Variants in NPLOC4 observed in about 807,000 individuals in gnomAD.
The protein encoded by NPLOC4 is nuclear protein localization protein 4 homolog.
NPLOC4 carries 18 observed loss-of-function variants against 80.6 expected under a neutral mutation model. That is an observed-to-expected ratio of 0.22 (90% CI 0.15 to 0.33). The LOEUF (loss-of-function observed/expected upper bound fraction) is 0.33. Ranked by LOEUF, NPLOC4 falls within the 10% of genes least tolerant of loss-of-function variation. The pLI is 1.00. For synonymous variants in NPLOC4, 313 were observed against 301.5 expected (o/e 1.04, Z -0.39); for missense variants, 540 against 786.1 (o/e 0.69, Z 3.74).
At chr17:81,606,664 A>G (rs747737505) in intron 7 of NPLOC4, 27 bp downstream of exon 7, 1 of 1,605,404 alleles carries the variant, frequency 6.2e-7, no homozygotes, top group South Asian at 1.1e-5. Flanking sequence ...CATGAAAACA[A>G]ATCTAGACAG....
chr17:81,565,489 G>T lies in NPLOC4; in HGVS notation c.1669+16C>A. ...CCCAGCCACGGGGTGCCGGGGCAGGGGGTGGGGGTACTCACTGCACAGCTG... is the reference window on the plus strand; with the variant it reads ...CCCAGCCACGGGGTGCCGGGGCAGGTGGTGGGGGTACTCACTGCACAGCTG... On this transcript the variant is annotated intron_variant, in intron 16 of 16. Transcript: ENST00000331134. 1 of 1,538,280 alleles carries T rather than the reference G, an allele frequency of 6.5e-7. No homozygotes were observed.
chr17:81,610,722 G>A (rs1408095142), intron 4 of NPLOC4, among the ~76,000 whole-genome samples: 26 of 100,636 alleles, frequency 2.6e-4, no homozygotes, highest in South Asian at 5.4e-4. Context: ...GGAGGCCGAG[G>A]CGGGTGGATC....
rs62073415 is a variant in NPLOC4, at chr17:81,580,088, A to G, written c.1282-8000T>C. Among the ~76,000 whole-genome samples, 35,088 of 151,922 alleles carry G rather than the reference A, an allele frequency of 0.23. 4,338 individuals carry two copies. The highest frequency in any genetic ancestry group is 0.3 in the Middle Eastern group (88 of 294). The stretch of plus-strand genomic sequence containing the variant: ...CCCTCCTCCCCAGCTCCTGCCTCCC[A>G]GTGCTCTCCACCTCATTCCCCCAAG... On this transcript the variant is annotated intron_variant, in intron 12 of 16. Coordinates refer to ENST00000331134, the MANE Select transcript of NPLOC4 (RefSeq NM_017921.4). The surrounding 1 kb of genome is among the most constrained non-coding windows in gnomAD (Gnocchi z 4.4).
chr17:81,569,505 G>C (rs911861930), intron 13 of NPLOC4, among the ~76,000 whole-genome samples: 1 of 152,242 alleles, frequency 6.6e-6, no homozygotes, highest in African/African-American at 2.4e-5. Context: ...GAAGGGCCAG[G>C]AGGCCGCCCC....
At chr17:81,608,941 G>A (rs2035274688) in intron 5 of NPLOC4, 119 bp from the exon 6 acceptor site, 4 of 670,808 alleles carry the variant, frequency 6.0e-6, no homozygotes, top group South Asian at 5.6e-5. Context: ...AAGGCCCACA[G>A]TGAAAGCAGG....
At position 81,557,354 on chromosome 17, in the gene NPLOC4, A is replaced by G. The variant is rs932622780; in HGVS notation, c.*1905T>C. 1.3e-5 allele frequency: 2 copies of G among 152,510 alleles called. No homozygotes were observed. The highest frequency in any genetic ancestry group is 2.9e-5 in the Non-Finnish European group (2 of 68,056). The allele number at this position is 152,510 out of a possible 1,614,324, so 9.4% of individuals were successfully genotyped here. A position where few individuals can be genotyped will look rare whatever the true frequency, so the allele number is the denominator to read the frequency against. ...AAAACCAGAATCAGACAAATCGCCA[A>G]TGCTTTTCCTTTAGCTAAAAGACAA... is the stretch of plus-strand genomic sequence containing the variant. On this transcript the variant is annotated 3_prime_UTR_variant, in exon 17 of 17. Coordinates refer to ENST00000331134, the MANE Select transcript of NPLOC4 (RefSeq NM_017921.4).
chr17:81,608,252 T>C (rs2035255093), intron 6 of NPLOC4, among the ~76,000 whole-genome samples: 1 of 152,164 alleles, frequency 6.6e-6, no homozygotes, highest in Non-Finnish European at 1.5e-5. Context: ...GGGTAGTTGT[T>C]TTTCTGAAAA....
chr17:81,580,613 C>T lies in NPLOC4; in HGVS notation c.1281+8331G>A, dbSNP rs1474648091. The stretch of plus-strand genomic sequence containing the variant: ...TCTCCTCCAGACACCCCCAGAGCTG[C>T]TCTGCCAATTGACACCTTCTCTCCC... On this transcript the variant is annotated intron_variant, in intron 12 of 16. Transcript: ENST00000331134. The surrounding 1 kb of genome is among the most constrained non-coding windows in gnomAD (Gnocchi z 4.4). 6.6e-6 allele frequency among the ~76,000 whole-genome samples: 1 copy of T among 152,148 alleles called. No homozygotes were observed. The highest frequency in any genetic ancestry group is 6.5e-5 in the Admixed American group (1 of 15,274).
rs555748263 is a variant in NPLOC4, at chr17:81,609,413, T to C, written c.436-591A>G. Among the ~76,000 whole-genome samples the C allele has an allele frequency of 7.9e-5, 12 of 152,210 alleles. No individual in the cohort carries two copies. In the South Asian group the frequency reaches 2.5e-3, roughly 32 times the overall value. On this transcript the variant is annotated intron_variant, in intron 5 of 16. Coordinates refer to ENST00000331134, the MANE Select transcript of NPLOC4 (RefSeq NM_017921.4). ...CACTGCAGCCTCGACCTCAAGTGAT[T>C]CTCTTGCCTCAGCTTCCTGAGTAGC...
chr17:81,578,285 C>T (rs1428772044), intron 12 of NPLOC4, among the ~76,000 whole-genome samples: 2 of 152,226 alleles, frequency 1.3e-5, no homozygotes, highest in African/African-American at 2.4e-5. Context: ...GATTCCACTC[C>T]GCGTGGCTTC....
Position 81,597,443 on chromosome 17 carries a change from G to T in NPLOC4, c.922-127C>A, listed in dbSNP as rs1440519574. On this transcript the variant is annotated intron_variant, in intron 9 of 16. Coordinates refer to ENST00000331134, the MANE Select transcript of NPLOC4 (RefSeq NM_017921.4). ...AGGCAGGAGAATCACGAGGTTAAGA[G>T]ATCGAGACCATCCTGGCCAATACAG... 6 of 712,504 alleles carry T rather than the reference G, an allele frequency of 8.4e-6. No individual in the cohort carries two copies. In the Admixed American group the frequency reaches 1.1e-4, roughly 13 times the overall value. The allele number at this position is 712,504 out of a possible 1,614,324, so 44.1% of individuals were successfully genotyped here.
chr17:81,629,831 A>T, intron 1 of NPLOC4, 26 bp from the exon 2 acceptor site: 1 of 1,542,490 alleles, frequency 6.5e-7, no homozygotes, highest in Non-Finnish European at 9.0e-7. Context: ...CATGATGGTT[A>T]CTGCACAGCC....
chr17:81,636,845 C>T, intron 1 of NPLOC4, 71 bp downstream of exon 1: 1 of 1,341,710 alleles, frequency 7.5e-7, no homozygotes. Flanking sequence ...CCCGCCTCCC[C>T]CACAGGCCGA....
At chr17:81,573,678 T>C (rs552732936) in intron 12 of NPLOC4, 5 of 152,214 alleles carry the variant, frequency 3.3e-5, no homozygotes, top group African/African-American at 1.2e-4. Flanking sequence ...ACACCTTTTC[T>C]CTACTCACAG....
intron 10 of NPLOC4, among the ~76,000 whole-genome samples, chr17:81,596,956 C>CA (rs1207030609): frequency 1.3e-5 from 2 of 151,848 alleles, no homozygotes; most frequent in South Asian, 2.1e-4. Context: ...ATTAAAAATA[C>CA]AAAAAAATTA....
chr17:81,574,715 CA>C (rs2144073866), intron 12 of NPLOC4, among the ~76,000 whole-genome samples: 1 of 152,220 alleles, frequency 6.6e-6, no homozygotes, highest in South Asian at 2.1e-4. Context: ...TTTGTTAGCT[CA>C]AAAGCAATGG....
intron 16 of NPLOC4, chr17:81,564,987 A>T (rs564686275): frequency 2.3e-4 from 79 of 343,158 alleles, no homozygotes; most frequent in African/African-American, 1.3e-3. Flanking sequence ...ATGCTGACAG[A>T]AGGTTCTCAC....
intron 11 of NPLOC4, among the ~76,000 whole-genome samples, chr17:81,589,404 C>G (rs2034675124): frequency 6.6e-6 from 1 of 151,982 alleles, no homozygotes; most frequent in African/African-American, 2.4e-5. Flanking sequence ...TGGCGGGCGC[C>G]TGTAGTCCCA....
At chr17:81,563,393 G>GA (rs113116451) in intron 16 of NPLOC4, 34,646 of 142,534 alleles carry the variant, frequency 0.24, 4,287 homozygotes, top group Admixed American at 0.31. Flanking sequence ...ATCTCTTAAA[G>GA]AAAAAAAAAA....
Sources: allele counts gnomAD v4.1 joint callset (sites outside exome capture counted in the v4.1 genomes callset), GRCh38; gene constraint gnomAD v4.1.1; non-coding constraint Gnocchi (gnomAD v3.1); transcripts MANE v1.5; gene names NCBI Gene and HGNC (gene_info 2026-07-23, HGNC 2026-07-21).